Variants in NAALADL2 observed in about 807,000 individuals in gnomAD.
NAALADL2 encodes N-acetylated alpha-linked acidic dipeptidase like 2, also known as inactive N-acetylated-alpha-linked acidic dipeptidase-like protein 2.
In NAALADL2, 76 loss-of-function variants were observed where a neutral mutation model predicts 87.2. That is an observed-to-expected ratio of 0.87 (90% CI 0.72 to 1.05). NAALADL2 has a LOEUF of 1.05. Ranked by LOEUF, NAALADL2 falls within the 50% of genes least tolerant of loss-of-function variation. The pLI is 0.00. For synonymous variants in NAALADL2, 354 were observed against 331.0 expected (o/e 1.07, Z -0.75); for missense variants, 1,089 against 945.8 (o/e 1.15, Z -1.99).
At chr3:174,563,903 A>G (rs1489621062) in intron 2 of NAALADL2, among the ~76,000 whole-genome samples, 3 of 152,166 alleles carry the variant, frequency 2.0e-5, no homozygotes, top group Non-Finnish European at 4.4e-5. Context: ...TGGCTGCAAG[A>G]GAGTTCCTGC....
chr3:175,334,543 G>A (rs1287142951), intron 5 of NAALADL2, among the ~76,000 whole-genome samples: 1 of 151,972 alleles, frequency 6.6e-6, no homozygotes, highest in Non-Finnish European at 1.5e-5. Flanking sequence ...TCTTTTGGTA[G>A]GAAATAAGCA....
At chr3:175,463,074 CCA>C (rs771224737) in intron 6 of NAALADL2, among the ~76,000 whole-genome samples, 72 of 152,042 alleles carry the variant, frequency 4.7e-4, no homozygotes, top group Middle Eastern at 3.4e-3. Context: ...TATGAGTTCC[CCA>C]CATCTCCTGA....
intron 11 of NAALADL2, among the ~76,000 whole-genome samples, chr3:175,666,344 C>G (rs936976970): frequency 6.6e-6 from 1 of 151,912 alleles, no homozygotes; most frequent in African/African-American, 2.4e-5. Context: ...AATCAAATAC[C>G]CTTTATAGAA....
chr3:175,702,905 C>G (rs1353741356), intron 11 of NAALADL2, among the ~76,000 whole-genome samples: 7 of 151,230 alleles, frequency 4.6e-5, no homozygotes, highest in Admixed American at 2.6e-4. Flanking sequence ...AAGAAATGCA[C>G]TTGAGGAAAA....
chr3:174,861,273 A>C (rs1162155604), intron 1 of NAALADL2, among the ~76,000 whole-genome samples: 1 of 152,146 alleles, frequency 6.6e-6, no homozygotes, highest in African/African-American at 2.4e-5. Context: ...GCACCTATTA[A>C]TCAAGTGAGG....
intron 13 of NAALADL2, among the ~76,000 whole-genome samples, chr3:175,764,435 T>C (rs1748417692): frequency 1.3e-5 from 2 of 151,416 alleles, no homozygotes. Context: ...TGTGTCCTTA[T>C]GGAAGATGTC....
intron 2 of NAALADL2, among the ~76,000 whole-genome samples, chr3:174,704,021 A>G (rs1241141978): frequency 6.6e-6 from 1 of 152,228 alleles, no homozygotes; most frequent in Non-Finnish European, 1.5e-5. Context: ...TCAGAAAGTC[A>G]GAAGGCATGG....
chr3:174,937,509 G>A (rs942879727), intron 1 of NAALADL2, among the ~76,000 whole-genome samples: 1 of 152,006 alleles, frequency 6.6e-6, no homozygotes, highest in African/African-American at 2.4e-5. Context: ...TTTTGTTATA[G>A]AAGGAAATGA....
At chr3:175,614,640 T>G (rs13434275) in intron 10 of NAALADL2, among the ~76,000 whole-genome samples, 5,158 of 152,236 alleles carry the variant, frequency 0.034, 284 homozygotes, top group African/African-American at 0.12. Context: ...TGTTTATTGT[T>G]TTGAAGTCAT....
intron 11 of NAALADL2, among the ~76,000 whole-genome samples, chr3:175,667,228 AAAGAAAGAAAGAAAAAGAAAGAAAGAAAG>A (rs1165989319): frequency 8.6e-6 from 1 of 116,596 alleles, no homozygotes; most frequent in African/African-American, 5.0e-5. Flanking sequence ...AGAAAGAAAG[AAAGAAAGAAAGAAAAAGAAAGAAAGAAAG>A]AAAGAAAGGA....
chr3:175,738,279 T>C (rs1478232508), intron 12 of NAALADL2, among the ~76,000 whole-genome samples: 2 of 152,024 alleles, frequency 1.3e-5, no homozygotes, highest in African/African-American at 4.8e-5. Flanking sequence ...GGAATCTCAC[T>C]GTCTATTGCC....
chr3:175,439,537 T>C (rs887624460), intron 5 of NAALADL2, among the ~76,000 whole-genome samples: 1 of 151,948 alleles, frequency 6.6e-6, no homozygotes, highest in Non-Finnish European at 1.5e-5. Flanking sequence ...TGGCCATTCT[T>C]GCAGAAGCCA....
intron 9 of NAALADL2, among the ~76,000 whole-genome samples, chr3:175,560,952 G>T (rs1716173206): frequency 6.6e-6 from 1 of 152,078 alleles, no homozygotes; most frequent in Non-Finnish European, 1.5e-5. Context: ...TATTTGAAGT[G>T]GGTTCAAAAA....
chr3:175,075,311 T>C (rs1716397389), intron 1 of NAALADL2, among the ~76,000 whole-genome samples: 1 of 152,032 alleles, frequency 6.6e-6, no homozygotes, highest in Non-Finnish European at 1.5e-5. Flanking sequence ...AAGATCTCTT[T>C]TAGTCTGCTT....
At position 174,651,569 on chromosome 3, in the gene NAALADL2, TAATC is replaced by T. The variant is rs373317337; in HGVS notation, c.-114-86069_-114-86066del. Among the ~76,000 whole-genome samples the T allele has an allele frequency of 5.8e-4, 88 of 152,324 alleles. 1 individual carries two copies. The South Asian group carries it at 0.017, about 30-fold the overall frequency. ...ATAAAAACAATAACTTAGGCTTTAT[TAATC>T]AAATTGTTTGAGAGGAAATATCTGG... On this transcript the variant is annotated intron_variant, in intron 2 of 3. Transcript: ENST00000434257.
chr3:174,784,319 A>G (rs1288699321), intron 3 of NAALADL2, among the ~76,000 whole-genome samples: 1 of 152,172 alleles, frequency 6.6e-6, no homozygotes, highest in Non-Finnish European at 1.5e-5. Context: ...TCAGAGGTGT[A>G]TTTGTCTAAA....
chr3:175,142,617 T>A (rs57151900), intron 2 of NAALADL2, among the ~76,000 whole-genome samples: 57,900 of 150,182 alleles, frequency 0.39, 12,778 homozygotes, highest in Non-Finnish European at 0.5. Flanking sequence ...CTTTTTTTTT[T>A]AAAACATAGT....
At chr3:174,803,186 T>A (rs1719043507) in intron 3 of NAALADL2, among the ~76,000 whole-genome samples, 1 of 152,192 alleles carries the variant, frequency 6.6e-6, no homozygotes, top group African/African-American at 2.4e-5. Context: ...TGACATGAGA[T>A]GGTATCTCAT....
intron 5 of NAALADL2, among the ~76,000 whole-genome samples, chr3:175,425,656 T>G (rs1460965499): frequency 6.6e-6 from 1 of 152,008 alleles, no homozygotes; most frequent in East Asian, 1.9e-4. Flanking sequence ...GTAAAAGAAT[T>G]TAGATAGTAT....
Sources: gnomAD v4.1 joint callset for allele counts (sites outside exome capture counted in the v4.1 genomes callset) on GRCh38, gnomAD v4.1.1 for gene constraint, MANE v1.5 for transcripts, NCBI Gene and HGNC (gene_info 2026-07-23, HGNC 2026-07-21) for gene names.